VPS53: variants seen among roughly 807,000 people sequenced by gnomAD.
The protein encoded by VPS53 is VPS53 subunit of GARP complex.
In VPS53, 70 loss-of-function variants were observed where a neutral mutation model predicts 107.0. That is an observed-to-expected ratio of 0.65 (90% CI 0.54 to 0.80). The LOEUF is 0.80. VPS53 is among the 30% of genes least tolerant of loss of function. VPS53 has a pLI of 0.00. For synonymous variants in VPS53, 409 were observed against 393.3 expected (o/e 1.04, Z -0.47); for missense variants, 917 against 1,049.4 (o/e 0.87, Z 1.74).
At chr17:525,292 T>C (rs545830947) in intron 19 of VPS53, among the ~76,000 whole-genome samples, 3 of 152,150 alleles carry the variant, frequency 2.0e-5, no homozygotes, top group Admixed American at 6.5e-5. Context: ...AAAATCAAAA[T>C]CAGGACAGTG....
intron 13 of VPS53, among the ~76,000 whole-genome samples, chr17:579,634 A>C (rs987138059): frequency 2.0e-5 from 3 of 150,810 alleles, no homozygotes; most frequent in Non-Finnish European, 4.4e-5. Context: ...ATTCCGAGAG[A>C]ACTTCCCTCA....
chr17:648,106 C>T (rs1226006241), intron 7 of VPS53, among the ~76,000 whole-genome samples: 2 of 152,210 alleles, frequency 1.3e-5, no homozygotes, highest in East Asian at 3.9e-4. Flanking sequence ...TGCTGGGACA[C>T]CCACCTGGCA....
At chr17:691,174 C>A (rs1339861945) in intron 4 of VPS53, among the ~76,000 whole-genome samples, 1 of 152,128 alleles carries the variant, frequency 6.6e-6, no homozygotes, top group Admixed American at 6.5e-5. Context: ...CACTTAGGAA[C>A]ATAATATCCA....
rs566188818 is a variant in VPS53, at chr17:551,276, A to G, written c.1866+596T>C. ...AGGTAGCGCTCAGTAATTAAAAATGATCCATCTCAGCTGGGCACTGTGGCT... is the reference window on the plus strand; with the variant it reads ...AGGTAGCGCTCAGTAATTAAAAATGGTCCATCTCAGCTGGGCACTGTGGCT... On this transcript the variant is annotated intron_variant, in intron 17 of 21. Transcript: ENST00000437048. Among the ~76,000 whole-genome samples, 4 of 152,276 alleles carry G rather than the reference A, an allele frequency of 2.6e-5. No homozygotes were observed. In the East Asian group the frequency reaches 7.7e-4, roughly 29 times the overall value.
At chr17:599,581 C>T (rs1290633371) in intron 12 of VPS53, among the ~76,000 whole-genome samples, 13 of 149,900 alleles carry the variant, frequency 8.7e-5, no homozygotes, top group Non-Finnish European at 1.6e-4. Context: ...ATCACCACTC[C>T]CTAATCTCAA....
intron 3 of VPS53, 39 bp from the exon 4 acceptor site, chr17:697,523 C>T (rs369170564): frequency 6.6e-7 from 1 of 1,522,378 alleles, no homozygotes; most frequent in East Asian, 2.3e-5. Context: ...TTCAAATAAT[C>T]TTTATTCTAG....
chr17:516,209 A>G lies in VPS53; in HGVS notation c.*2919T>C, dbSNP rs1249912745. On this transcript the variant is annotated 3_prime_UTR_variant, in exon 22 of 22. Coordinates refer to ENST00000437048, the MANE Select transcript of VPS53 (RefSeq NM_001128159.3). The stretch of plus-strand genomic sequence containing the variant: ...ACTTTTAGCTTAGAGTCAGAAAAAT[A>G]GACATGTATGAAAATGCGTGGCAGG... The G allele has an allele frequency of 6.6e-6, 1 of 152,136 alleles. No homozygotes were observed. Among genetic ancestry groups the G allele is most frequent in the Middle Eastern group, 3.2e-3 (1 of 316 alleles). The allele number at this position is 152,136 out of a possible 1,614,324, so 9.4% of individuals were successfully genotyped here.
intron 4 of VPS53, among the ~76,000 whole-genome samples, chr17:671,374 GA>G (rs1971940403): frequency 7.1e-6 from 1 of 140,678 alleles, no homozygotes; most frequent in Non-Finnish European, 1.6e-5. Flanking sequence ...AAAGAAAAGA[GA>G]AAGAGGGAGG....
intron 3 of VPS53, 103 bp downstream of exon 3, chr17:699,228 T>G: frequency 1.4e-4 from 120 of 871,822 alleles, no homozygotes; most frequent in Middle Eastern, 2.4e-4. Flanking sequence ...ATGGCAAACT[T>G]GAGATTTCAG....
chr17:687,052 A>C (rs1972611115), intron 4 of VPS53, among the ~76,000 whole-genome samples: 1 of 152,206 alleles, frequency 6.6e-6, no homozygotes, highest in African/African-American at 2.4e-5. Flanking sequence ...TGAGAGGCCA[A>C]GGTGGGCAGA....
At chr17:612,805 CAT>C (rs1399126509) in intron 11 of VPS53, among the ~76,000 whole-genome samples, 2 of 143,564 alleles carry the variant, frequency 1.4e-5, no homozygotes, top group South Asian at 2.3e-4. Context: ...CAAATATTCA[CAT>C]AGTGAGTTCA....
In VPS53 at chr17:598,210, G is replaced by A. The variant is rs569473042; in HGVS notation, c.1218+3585C>T. On this transcript the variant is annotated intron_variant, in intron 12 of 21. Coordinates refer to ENST00000437048, the MANE Select transcript of VPS53 (RefSeq NM_001128159.3). The stretch of plus-strand genomic sequence containing the variant: ...GCCCCTAACCGCAAGTGATCCGCCA[G>A]CCTCGGCCTCCCGAGGTGCCGGGAT... Among the ~76,000 whole-genome samples, 95 of 152,338 alleles carry A rather than the reference G, an allele frequency of 6.2e-4. 1 individual carries two copies. In the East Asian group the frequency reaches 0.018, roughly 29 times the overall value.
intron 4 of VPS53, among the ~76,000 whole-genome samples, chr17:696,440 G>T (rs1567746999): frequency 6.6e-6 from 1 of 152,164 alleles, no homozygotes; most frequent in Admixed American, 6.6e-5. Flanking sequence ...CCTAAAAAAT[G>T]TCAAAGAGGA....
chr17:533,061 T>C (rs1909726349), intron 18 of VPS53, 150 bp from the exon 19 acceptor site: 1 of 1,376,600 alleles, frequency 7.3e-7, no homozygotes, highest in Non-Finnish European at 9.7e-7. Context: ...CTTATTTTTC[T>C]TCTGAGTGAA....
chr17:667,442 TG>T (rs1420419525), intron 4 of VPS53, among the ~76,000 whole-genome samples: 5 of 146,206 alleles, frequency 3.4e-5, no homozygotes, highest in Admixed American at 6.9e-5. Flanking sequence ...GAAATTTATT[TG>T]GGGGGGCAAT....
intron 2 of VPS53, 36 bp downstream of exon 2, chr17:710,497 G>T: frequency 6.5e-7 from 1 of 1,544,072 alleles, no homozygotes; most frequent in Non-Finnish European, 9.0e-7. Flanking sequence ...TGTGCCAAAA[G>T]CTGCTGAAAG....
intron 10 of VPS53, 121 bp downstream of exon 10, chr17:627,053 G>C (rs1969743179): frequency 9.9e-6 from 13 of 1,312,008 alleles, no homozygotes; most frequent in Non-Finnish European, 1.2e-5. Context: ...GATGATATTA[G>C]TCATCTGGTG....
intron 17 of VPS53, among the ~76,000 whole-genome samples, chr17:550,001 G>A (rs1911673786): frequency 6.6e-6 from 1 of 152,170 alleles, no homozygotes. Context: ...CAGACCAAAT[G>A]TCTGCTTACA....
intron 12 of VPS53, among the ~76,000 whole-genome samples, chr17:594,314 T>C (rs1041566889): frequency 6.6e-6 from 1 of 152,200 alleles, no homozygotes; most frequent in Non-Finnish European, 1.5e-5. Context: ...ACTTAAAGTA[T>C]AATAATAAAT....
Sources: allele counts gnomAD v4.1 joint callset (sites outside exome capture counted in the v4.1 genomes callset), GRCh38; gene constraint gnomAD v4.1.1; transcripts MANE v1.5; gene names NCBI Gene and HGNC (gene_info 2026-07-23, HGNC 2026-07-21).